Variants in SRCIN1 observed in about 807,000 individuals in gnomAD.
The protein encoded by SRCIN1 is P130Cas-associated protein.
SRCIN1 carries 50 observed loss-of-function variants against 116.2 expected under a neutral mutation model. That is an observed-to-expected ratio of 0.43 (90% CI 0.34 to 0.54). SRCIN1 has a LOEUF of 0.54. Among genes scored for constraint, SRCIN1 ranks in the 20% least tolerant of loss-of-function variants. SRCIN1 has a pLI of 0.02. For synonymous variants in SRCIN1, 736 were observed against 750.0 expected (o/e 0.98, Z 0.30); for missense variants, 1,446 against 1,672.0 (o/e 0.86, Z 2.36).
intron 1 of SRCIN1, among the ~76,000 whole-genome samples, chr17:38,600,249 CT>C (rs1567887612): frequency 6.6e-6 from 1 of 152,220 alleles, no homozygotes; most frequent in Non-Finnish European, 1.5e-5. Context: ...GGCTATCAAC[CT>C]TTACCCAGCC....
chr17:38,564,280 G>T lies in SRCIN1; in HGVS notation c.379C>A (p.Pro127Thr). The change falls in exon 4 of 19, where the codon CCC (proline) becomes ACC (threonine). Residue 127 changes from proline (P) to threonine (T), a missense_variant. Physicochemically the swap from Pro to Thr is conservative, Grantham distance 38 (BLOSUM62 -1). This residue lies in a region of SRCIN1 where 246 missense variants were observed against 265.1 expected (regional missense o/e 0.93). Transcript: ENST00000617146. ...TTTGCCGCCTGGTCTGCCAGCCCGG[G>T]CTGGGCTCCCTGAGTGTGGCGTGAG... ...RSSRHTQGAQ[P>T]GLADQAAKLS... 1.3e-6 allele frequency: 2 copies of T among 1,571,508 alleles called. No homozygotes were observed. Among genetic ancestry groups the T allele is most frequent in the Non-Finnish European group, 1.7e-6 (2 of 1,162,076 alleles).
Position 38,563,550 on chromosome 17 carries a change from A to C in SRCIN1, c.542-29T>G. On this transcript the variant is annotated intron_variant, in intron 4 of 18. Coordinates refer to ENST00000617146, the MANE Select transcript of SRCIN1 (RefSeq NM_025248.3). The surrounding 1 kb of genome is among the most constrained non-coding windows in gnomAD (Gnocchi z 5.8). ...CGAAGGAGACGCCGCCCTCGCTGTCACTGCTGCCGTCTCCACGCCGCCCTC... is the reference window on the plus strand; with the variant it reads ...CGAAGGAGACGCCGCCCTCGCTGTCCCTGCTGCCGTCTCCACGCCGCCCTC... 1 of 1,542,178 alleles carries C rather than the reference A, an allele frequency of 6.5e-7. No individual in the cohort carries two copies. The highest frequency in any genetic ancestry group is 2.4e-5 in the East Asian group (1 of 40,908).
At chr17:38,534,014 TGCC>T (rs1474253625) in intron 18 of SRCIN1, among the ~76,000 whole-genome samples, 3 of 152,106 alleles carry the variant, frequency 2.0e-5, no homozygotes, top group Admixed American at 6.5e-5. Flanking sequence ...AAGAAGGCGC[TGCC>T]GCACCAGCCT....
At chr17:38,576,449 T>G (rs1487071588) in intron 2 of SRCIN1, among the ~76,000 whole-genome samples, 1 of 152,094 alleles carries the variant, frequency 6.6e-6, no homozygotes, top group East Asian at 1.9e-4. Flanking sequence ...AGAACATTCC[T>G]GGTCCCCTTT....
At chr17:38,579,455 C>T (rs1480620528) in intron 1 of SRCIN1, among the ~76,000 whole-genome samples, 1 of 152,194 alleles carries the variant, frequency 6.6e-6, no homozygotes, top group Non-Finnish European at 1.5e-5. Context: ...CTTCCCTCCC[C>T]AGAGACAGAC....
intron 14 of SRCIN1, chr17:38,551,622 G>A: frequency 1.5e-6 from 1 of 650,326 alleles, no homozygotes; most frequent in Non-Finnish European, 2.6e-6. Context: ...ATCTATTTCT[G>A]GGCATTCTAT....
rs1904924862 is a variant in SRCIN1, at chr17:38,544,054, G to A, written c.3271-85C>T. On this transcript the variant is annotated intron_variant, in intron 17 of 18. Transcript: ENST00000617146. The surrounding 1 kb of genome is among the most constrained non-coding windows in gnomAD (Gnocchi z 4.5). ...ACCCTAGCACTGGGTGGGGTCTCGG[G>A]GCTGGGACCTCCTCAGTGGGGCCCT... The A allele has an allele frequency of 2.8e-6, 4 of 1,453,906 alleles. No individual in the cohort carries two copies. The East Asian group carries it at 1.0e-4, about 37-fold the overall frequency. The allele number at this position is 1,453,906 out of a possible 1,614,324, so 90.1% of individuals were successfully genotyped here.
Position 38,578,590 on chromosome 17 carries a change from T to A in SRCIN1, c.224A>T (p.Asp75Val). 1.2e-6 allele frequency: 2 copies of A among 1,611,904 alleles called. No individual in the cohort carries two copies. The highest frequency in any genetic ancestry group is 1.7e-6 in the Non-Finnish European group (2 of 1,178,988). ...LEALSGLQKADADRKRDAFMD... is the reference protein window; with the variant it reads ...LEALSGLQKAVADRKRDAFMD... ...GAAGGCATCACGCTTGCGGTCGGCG[T>A]CCGCCTTCTGGAGCCCGCTGAGCGC... is the stretch of plus-strand genomic sequence containing the variant. The change falls in exon 2 of 19, where the codon GAC (aspartate) becomes GTC (valine). Residue 75 changes from aspartate (D) to valine (V), a missense_variant. Transcript: ENST00000617146.
rs1157325242 is a variant in SRCIN1, at chr17:38,604,163, C to T, written c.22+1521G>A. The stretch of plus-strand genomic sequence containing the variant: ...CTCAAGGTCACCCAGACCAAGATAC[C>T]AAGAGTCGGGAAGAAGGTATCCTGA... On this transcript the variant is annotated intron_variant, in intron 1 of 18. Transcript: ENST00000617146. This position sits in a 1 kb window ranked among gnomAD's most constrained non-coding sequence, Gnocchi z 4.3. 6.6e-6 allele frequency among the ~76,000 whole-genome samples: 1 copy of T among 152,086 alleles called. No individual in the cohort carries two copies. Among genetic ancestry groups the T allele is most frequent in the African/African-American group, 2.4e-5 (1 of 41,398 alleles).
In SRCIN1 at chr17:38,563,026, G is replaced by A. The variant is rs915340322; in HGVS notation, c.741-106C>T. 7.1e-6 allele frequency: 7 copies of A among 990,970 alleles called. No homozygotes were observed. In the African/African-American group the frequency reaches 8.1e-5, roughly 11 times the overall value. 61.4% of individuals were successfully genotyped at this position (990,970 alleles called of 1,614,324 possible). A position where few individuals can be genotyped will look rare whatever the true frequency, so the allele number is the denominator to read the frequency against. The stretch of plus-strand genomic sequence containing the variant: ...AGAAGAGGGGTGGCCAGAGGCACCG[G>A]GAGCCCCATCTCAGGCTGCCTGCAC... On this transcript the variant is annotated intron_variant, in intron 5 of 18. Coordinates refer to ENST00000617146, the MANE Select transcript of SRCIN1 (RefSeq NM_025248.3). This position sits in a 1 kb window ranked among gnomAD's most constrained non-coding sequence, Gnocchi z 5.8.
Position 38,564,150 on chromosome 17 carries a change from C to G in SRCIN1, c.509G>C (p.Arg170Pro). Residue 170 changes from arginine (R) to proline (P), a missense_variant, in exon 4 of 19, where the codon CGC (arginine) becomes CCC (proline). Coordinates refer to ENST00000617146, the MANE Select transcript of SRCIN1 (RefSeq NM_025248.3). ...NRFRQSLPLSRSASQTKLRSP... is the reference protein window; with the variant it reads ...NRFRQSLPLSPSASQTKLRSP... ...GCGCAGCTTGGTCTGGCTGGCCGAG[C>G]GGGAGAGAGGCAGGCTCTGTCGGAA... 6.3e-7 allele frequency: 1 copy of G among 1,599,776 alleles called. No individual in the cohort carries two copies. Among genetic ancestry groups the G allele is most frequent in the Non-Finnish European group, 8.5e-7 (1 of 1,174,012 alleles).
Position 38,562,039 on chromosome 17 carries a change from T to C in SRCIN1, c.1124A>G (p.Lys375Arg). ...PSAILERRDV[K>R]PDEDLASKAG... is the part of the protein sequence containing the mutation. ...CTTGCTCGCCAGGTCCTCGTCCGGCTTCACGTCGCGCCGCTCCAGGATGGC... is the reference window on the plus strand; with the variant it reads ...CTTGCTCGCCAGGTCCTCGTCCGGCCTCACGTCGCGCCGCTCCAGGATGGC... Residue 375 changes from lysine (K) to arginine (R), a missense_variant, in exon 7 of 19, where the codon AAG (lysine) becomes AGG (arginine). By Grantham distance (26) the Lys-to-Arg change is conservative (BLOSUM62 2). Around this residue, in one of 5 missense-constraint regions of SRCIN1, gnomAD observed 239 missense variants for 317.7 expected, o/e 0.75. Coordinates refer to ENST00000617146, the MANE Select transcript of SRCIN1 (RefSeq NM_025248.3). The surrounding 1 kb of genome is among the most constrained non-coding windows in gnomAD (Gnocchi z 4.2). 1 of 1,491,210 alleles carries C rather than the reference T, an allele frequency of 6.7e-7. No homozygotes were observed. 92.4% of individuals were successfully genotyped at this position (1,491,210 alleles called of 1,614,324 possible). A position where few individuals can be genotyped will look rare whatever the true frequency, so the allele number is the denominator to read the frequency against.
intron 11 of SRCIN1, among the ~76,000 whole-genome samples, chr17:38,553,142 G>C (rs1477469629): frequency 6.6e-6 from 1 of 152,180 alleles, no homozygotes; most frequent in Non-Finnish European, 1.5e-5. Context: ...TGTAGTCCCA[G>C]CTACTCGGGA....
chr17:38,606,543 C>T (rs1449875788), upstream of SRCIN1, among the ~76,000 whole-genome samples: 1 of 152,134 alleles, frequency 6.6e-6, no homozygotes, highest in Non-Finnish European at 1.5e-5. This position sits in a 1 kb window ranked among gnomAD's most constrained non-coding sequence, Gnocchi z 5.2. Context: ...CTCGCCCCCG[C>T]TCCGGGTTGC....
At chr17:38,594,478 T>A (rs1477831490) in intron 1 of SRCIN1, among the ~76,000 whole-genome samples, 1 of 151,974 alleles carries the variant, frequency 6.6e-6, no homozygotes, top group Non-Finnish European at 1.5e-5. Flanking sequence ...CTGGAGGACG[T>A]GGAACCTGAA....
chr17:38,555,208 C>T (rs535168259), intron 11 of SRCIN1, among the ~76,000 whole-genome samples: 1 of 152,328 alleles, frequency 6.6e-6, no homozygotes, highest in South Asian at 2.1e-4. Context: ...ACTACACATC[C>T]CAGCCTCCCT....
In SRCIN1 at chr17:38,531,656, T is replaced by A. The variant is rs1459779988; in HGVS notation, c.*1641A>T. 1.3e-5 allele frequency: 2 copies of A among 149,668 alleles called. No homozygotes were observed. The highest frequency in any genetic ancestry group is 4.9e-5 in the African/African-American group (2 of 40,666). 9.3% of individuals were successfully genotyped at this position (149,668 alleles called of 1,614,324 possible). A position where few individuals can be genotyped will look rare whatever the true frequency, so the allele number is the denominator to read the frequency against. On this transcript the variant is annotated 3_prime_UTR_variant, in exon 19 of 19. Coordinates refer to ENST00000617146, the MANE Select transcript of SRCIN1 (RefSeq NM_025248.3). Reference sequence around the variant, plus strand: ...AGGCTTGCTCGCCTTGGTACAAAAATGATCCAAAGCTAGAAAACAAGGATG... The same window carrying A: ...AGGCTTGCTCGCCTTGGTACAAAAAAGATCCAAAGCTAGAAAACAAGGATG...
At chr17:38,536,847 T>C (rs1904409433) in intron 18 of SRCIN1, among the ~76,000 whole-genome samples, 1 of 152,198 alleles carries the variant, frequency 6.6e-6, no homozygotes, top group Non-Finnish European at 1.5e-5. Flanking sequence ...ATAAGAGGTG[T>C]GGTCTGTTGG....
At position 38,572,379 on chromosome 17, in the gene SRCIN1, C is replaced by T. The variant is rs1209737233; in HGVS notation, c.325-4148G>A. Among the ~76,000 whole-genome samples the T allele has an allele frequency of 2.6e-5, 4 of 151,864 alleles. No individual in the cohort carries two copies. The highest frequency in any genetic ancestry group is 5.9e-5 in the Non-Finnish European group (4 of 67,940). Reference sequence around the variant, plus strand: ...GTGTGTGGGTGGGTGGGTGGGGGTGCTGTGGGACGCTGGGGAAGAGGGCGC... The same window carrying T: ...GTGTGTGGGTGGGTGGGTGGGGGTGTTGTGGGACGCTGGGGAAGAGGGCGC... On this transcript the variant is annotated intron_variant, in intron 2 of 18. Transcript: ENST00000617146. The surrounding 1 kb of genome is among the most constrained non-coding windows in gnomAD (Gnocchi z 4.3).
Sources: allele counts gnomAD v4.1 joint callset (sites outside exome capture counted in the v4.1 genomes callset), GRCh38; gene constraint gnomAD v4.1.1; regional missense constraint gnomAD v4.1.1; non-coding constraint Gnocchi (gnomAD v3.1); transcripts MANE v1.5; gene names NCBI Gene and HGNC (gene_info 2026-07-23, HGNC 2026-07-21).